R3HDML: variants seen among roughly 807,000 people sequenced by gnomAD.
The protein encoded by R3HDML is R3H domain containing like.
Under a neutral mutation model 24.2 loss-of-function variants are expected in R3HDML, and 21 were observed. The observed-to-expected ratio is 0.87, with a 90% CI of 0.62 to 1.25. R3HDML has a LOEUF of 1.25. Ranked by LOEUF, R3HDML falls within the 50% of genes most tolerant of loss-of-function variation. R3HDML has a pLI of 0.00. For missense variants in R3HDML, 301 were observed against 340.3 expected (o/e 0.88, Z 0.91); for synonymous variants, 133 against 131.5 (o/e 1.01, Z -0.08).
chr20:44,345,450 C>G (rs1014507004), intron 4 of R3HDML, 72 bp downstream of exon 4: 1 of 999,860 alleles, frequency 1.0e-6, no homozygotes, highest in Admixed American at 2.1e-5. Flanking sequence ...AAGAAAGATA[C>G]GCTCCATATC....
chr20:44,349,146 TAAATAAAATAAAATAAAATAAAATA>T (rs202024132), intron 4 of R3HDML, among the ~76,000 whole-genome samples: 9 of 145,798 alleles, frequency 6.2e-5, no homozygotes, highest in African/African-American at 1.8e-4. Context: ...TAAAATAAAA[TAAATAAAATAAAATAAAATAAAATA>T]AAATAAAATA....
At chr20:44,342,955 A>T (rs1486751416) in intron 2 of R3HDML, among the ~76,000 whole-genome samples, 2 of 152,048 alleles carry the variant, frequency 1.3e-5, no homozygotes, top group Admixed American at 1.3e-4. Flanking sequence ...CTCCATCTCA[A>T]AAAAAAGAAA....
intron 4 of R3HDML, among the ~76,000 whole-genome samples, chr20:44,348,511 TTTC>T: frequency 6.9e-6 from 1 of 143,960 alleles, no homozygotes; most frequent in South Asian, 2.2e-4. Flanking sequence ...TTTCCTTTCC[TTTC>T]CTTTCTTTTC....
At chr20:44,343,321 C>T in intron 2 of R3HDML, 56 bp from the exon 3 acceptor site, 1 of 1,592,750 alleles carries the variant, frequency 6.3e-7, no homozygotes, top group Non-Finnish European at 8.5e-7. Flanking sequence ...AAGTTGGCGG[C>T]CGAGCCACTT....
intron 4 of R3HDML, among the ~76,000 whole-genome samples, chr20:44,348,916 C>T (rs964977978): frequency 6.6e-5 from 10 of 151,958 alleles, no homozygotes; most frequent in Non-Finnish European, 1.5e-4. Context: ...TCTGAGAGGC[C>T]GAGGCAAGTG....
intron 3 of R3HDML, among the ~76,000 whole-genome samples, chr20:44,343,921 T>C (rs975280761): frequency 6.6e-6 from 1 of 152,140 alleles, no homozygotes; most frequent in Non-Finnish European, 1.5e-5. Context: ...CAGGATTTCC[T>C]GAACACAGGA....
intron 1 of R3HDML, among the ~76,000 whole-genome samples, chr20:44,339,579 A>AGTGTGTGTGTGTG (rs2062766540): frequency 6.8e-6 from 1 of 147,914 alleles, no homozygotes; most frequent in African/African-American, 2.5e-5. Context: ...GCCTATATAT[A>AGTGTGTGTGTGTG]TGTGTGTGTG....
Position 44,340,851 on chromosome 20 carries a change from C to T in R3HDML, c.262-345C>T, listed in dbSNP as rs574125289. 3.3e-5 allele frequency among the ~76,000 whole-genome samples: 5 copies of T among 152,260 alleles called. No individual in the cohort carries two copies. The East Asian group carries it at 7.7e-4, about 23-fold the overall frequency. On this transcript the variant is annotated intron_variant, in intron 1 of 4. Coordinates refer to ENST00000217043, the MANE Select transcript of R3HDML (RefSeq NM_178491.4). ...AAAAGAAAGAAAGAAAAAGAAAATA[C>T]TATAAGTACAATTTAAGAATTAGTT...
intron 1 of R3HDML, among the ~76,000 whole-genome samples, chr20:44,338,762 C>T (rs1287477686): frequency 2.2e-4 from 34 of 152,284 alleles, no homozygotes; most frequent in Non-Finnish European, 1.5e-5. Context: ...AAGCACTCCT[C>T]TGCTCTCCCT....
rs1161973502 is a variant in R3HDML at position 44,337,389 on chromosome 20, T to C, written c.232T>C (p.Tyr78His). The C allele has an allele frequency of 6.2e-7, 1 of 1,613,788 alleles. No homozygotes were observed. The highest frequency in any genetic ancestry group is 8.5e-7 in the Non-Finnish European group (1 of 1,179,698). ...TCACAACCACATCCGGGCCAGTGTG[T>C]ACCCACCTGCCGCCAACATGGAATA... ...DYHNHIRASV[Y>H]PPAANMEYMV... The change falls in exon 1 of 5, where the codon TAC becomes CAC. Residue 78 changes from tyrosine (Y) to histidine (H), a missense_variant. Transcript: ENST00000217043. The surrounding 1 kb of genome is among the most constrained non-coding windows in gnomAD (Gnocchi z 4.7).
intron 4 of R3HDML, among the ~76,000 whole-genome samples, chr20:44,348,725 G>C (rs990607492): frequency 6.6e-6 from 1 of 151,808 alleles, no homozygotes; most frequent in African/African-American, 2.4e-5. Flanking sequence ...TGTTGCCCAG[G>C]CTAGTCTGGA....
At chr20:44,349,468 A>G (rs1255949980) in intron 4 of R3HDML, among the ~76,000 whole-genome samples, 1 of 152,178 alleles carries the variant, frequency 6.6e-6, no homozygotes, top group Non-Finnish European at 1.5e-5. Context: ...GACTGACAGC[A>G]GCCGGCACAA....
rs751926751 is a variant in R3HDML at position 44,337,374 on chromosome 20, A to T, written c.217A>T (p.Ile73Phe). The T allele has an allele frequency of 6.2e-7, 1 of 1,614,146 alleles. No individual in the cohort carries two copies. The highest frequency in any genetic ancestry group is 8.5e-7 in the Non-Finnish European group (1 of 1,180,008). Residue 73 changes from isoleucine (I) to phenylalanine (F), a missense_variant, in exon 1 of 5, where the codon ATC (isoleucine) becomes TTC (phenylalanine). Coordinates refer to ENST00000217043, the MANE Select transcript of R3HDML (RefSeq NM_178491.4). This position sits in a 1 kb window ranked among gnomAD's most constrained non-coding sequence, Gnocchi z 4.7. Reference sequence around the variant, plus strand: ...TGCCTTACTGGATTATCACAACCACATCCGGGCCAGTGTGTACCCACCTGC... The same window carrying T: ...TGCCTTACTGGATTATCACAACCACTTCCGGGCCAGTGTGTACCCACCTGC... ...MNALLDYHNH[I>F]RASVYPPAAN...
intron 4 of R3HDML, among the ~76,000 whole-genome samples, chr20:44,349,285 G>A (rs185784205): frequency 3.3e-5 from 5 of 151,982 alleles, no homozygotes; most frequent in African/African-American, 4.8e-5. Flanking sequence ...GAAATCGACC[G>A]TTTTCATTTC....
intron 1 of R3HDML, among the ~76,000 whole-genome samples, chr20:44,339,593 GTGTGTGTGTGTGTC>G (rs1405397146): frequency 2.0e-5 from 3 of 151,470 alleles, no homozygotes; most frequent in East Asian, 1.9e-4. Flanking sequence ...GTGTGTGTGT[GTGTGTGTGTGTGTC>G]TGTGTGTGTG....
At chr20:44,338,807 C>T (rs141257466) in intron 1 of R3HDML, among the ~76,000 whole-genome samples, 3 of 152,308 alleles carry the variant, frequency 2.0e-5, no homozygotes, top group African/African-American at 7.2e-5. Context: ...CGCAGTGGCT[C>T]ACGCCAGTAA....
At chr20:44,348,396 C>A (rs1406094418) in intron 4 of R3HDML, among the ~76,000 whole-genome samples, 1 of 151,622 alleles carries the variant, frequency 6.6e-6, no homozygotes, top group African/African-American at 2.4e-5. Context: ...TGACAGGCTT[C>A]GGCCTTCCCC....
chr20:44,339,186 G>A (rs11907772), intron 1 of R3HDML, among the ~76,000 whole-genome samples: 52,040 of 151,430 alleles, frequency 0.34, 9,412 homozygotes, highest in Admixed American at 0.49. Context: ...TGTCCAACTC[G>A]ACAGCCTTTG....
In R3HDML at chr20:44,337,418, G is replaced by A. The variant is rs1220186070; in HGVS notation, c.261G>A (p.Met87Ile). 1 of 1,612,194 alleles carries A rather than the reference G, an allele frequency of 6.2e-7. No homozygotes were observed. The highest frequency in any genetic ancestry group is 8.5e-7 in the Non-Finnish European group (1 of 1,178,482). Residue 87 changes from methionine to isoleucine, a missense_variant and splice_region_variant, in exon 1 of 5, where the codon ATG becomes ATA. Coordinates refer to ENST00000217043, the MANE Select transcript of R3HDML (RefSeq NM_178491.4). This position sits in a 1 kb window ranked among gnomAD's most constrained non-coding sequence, Gnocchi z 4.7. ...VYPPAANMEY[M>I]VWDKRLARAA... ...CACCTGCCGCCAACATGGAATACAT[G>A]GTGAGTCCCCGTACCTGCCCCCCAC...
Sources: allele counts gnomAD v4.1 joint callset (sites outside exome capture counted in the v4.1 genomes callset), GRCh38; gene constraint gnomAD v4.1.1; non-coding constraint Gnocchi (gnomAD v3.1); transcripts MANE v1.5; gene names NCBI Gene and HGNC (gene_info 2026-07-23, HGNC 2026-07-21).